The following CREB5 variants were observed in gnomAD, a reference collection of about 807,000 sequenced individuals.
CREB5 encodes the protein cyclic AMP-responsive element-binding protein 5.
A neutral mutation model predicts 57.1 loss-of-function variants in CREB5; 19 were observed. That is an observed-to-expected ratio of 0.33 (90% CI 0.23 to 0.49). The LOEUF is 0.49. Ranked by LOEUF, CREB5 falls within the 20% of genes least tolerant of loss-of-function variation. The pLI is 0.99. For synonymous variants in CREB5, 238 were observed against 238.3 expected, an observed-to-expected ratio of 1.00 and a Z score of 0.01; for missense variants, 579 against 671.6, an observed-to-expected ratio of 0.86 and a Z score of 1.52.
chr7:28,606,494 C>T (rs1797135758), intron 5 of CREB5, among the ~76,000 whole-genome samples: 1 of 152,128 alleles, frequency 6.6e-6, no homozygotes, highest in Non-Finnish European at 1.5e-5. Flanking sequence ...AACAGTCATC[C>T]ATCCCTGGGA....
chr7:28,305,733 T>A (rs1348667758), intron 1 of CREB5, among the ~76,000 whole-genome samples: 1 of 148,866 alleles, frequency 6.7e-6, no homozygotes, highest in Non-Finnish European at 1.5e-5. Flanking sequence ...TTTTTTTTTT[T>A]AAACTTCATT....
intron 7 of CREB5, among the ~76,000 whole-genome samples, chr7:28,791,944 A>G (rs753841556): frequency 1.3e-5 from 2 of 152,200 alleles, no homozygotes; most frequent in African/African-American, 2.4e-5. Flanking sequence ...ATTGTACACC[A>G]TAAAGACAAT....
At chr7:28,595,640 G>GC (rs1276595379) in intron 5 of CREB5, among the ~76,000 whole-genome samples, 2 of 152,108 alleles carry the variant, frequency 1.3e-5, no homozygotes, top group Non-Finnish European at 2.9e-5. Flanking sequence ...AAGAAAAGAG[G>GC]CCCCTTCTTT....
chr7:28,607,505 C>A (rs564549005), intron 5 of CREB5, among the ~76,000 whole-genome samples: 3 of 152,098 alleles, frequency 2.0e-5, no homozygotes, highest in Non-Finnish European at 4.4e-5. Flanking sequence ...CACTTTGCTG[C>A]CATAGGAGAA....
At chr7:28,605,892 G>C (rs1797113063) in intron 5 of CREB5, among the ~76,000 whole-genome samples, 1 of 152,164 alleles carries the variant, frequency 6.6e-6, no homozygotes, top group African/African-American at 2.4e-5. Context: ...CTGCCAAAAG[G>C]CAGGAGAGAA....
At chr7:28,681,293 G>C (rs1186946804) in intron 5 of CREB5, among the ~76,000 whole-genome samples, 1 of 152,198 alleles carries the variant, frequency 6.6e-6, no homozygotes, top group Non-Finnish European at 1.5e-5. Context: ...CATATTCAGG[G>C]AAGACCGAGC....
intron 5 of CREB5, among the ~76,000 whole-genome samples, chr7:28,623,380 G>T (rs1447762287): frequency 6.6e-6 from 1 of 152,166 alleles, no homozygotes; most frequent in South Asian, 2.1e-4. Flanking sequence ...TTTAGCCAGA[G>T]TCATCATAAA....
chr7:28,524,789 G>A (rs940772813), intron 4 of CREB5, among the ~76,000 whole-genome samples: 1 of 152,150 alleles, frequency 6.6e-6, no homozygotes, highest in East Asian at 1.9e-4. Flanking sequence ...ATCAAGTAGG[G>A]TTATTTAGGC....
At chr7:28,347,031 T>C (rs1177892318) in intron 1 of CREB5, among the ~76,000 whole-genome samples, 1 of 152,224 alleles carries the variant, frequency 6.6e-6, no homozygotes, top group African/African-American at 2.4e-5. Flanking sequence ...ACTATTTGCA[T>C]ACTTGAACCC....
intron 5 of CREB5, among the ~76,000 whole-genome samples, chr7:28,599,384 A>AT (rs1276057195): frequency 6.6e-6 from 1 of 152,168 alleles, no homozygotes; most frequent in Non-Finnish European, 1.5e-5. Flanking sequence ...ATATACTTGG[A>AT]TTTTATCCTT....
At chr7:28,613,059 A>G (rs185403784) in intron 5 of CREB5, among the ~76,000 whole-genome samples, 4 of 152,274 alleles carry the variant, frequency 2.6e-5, no homozygotes, top group Admixed American at 2.0e-4. Flanking sequence ...CCACTGTAGT[A>G]TGTCCTAATC....
At position 28,804,058 on chromosome 7, in the gene CREB5, C is replaced by A. The variant is rs1202580346; in HGVS notation, c.703-141C>A. On this transcript the variant is annotated intron_variant, in intron 7 of 10. Coordinates refer to ENST00000357727, the MANE Select transcript of CREB5 (RefSeq NM_182898.4). Reference sequence around the variant, plus strand: ...TATAAAAGCTATCTTGTACTGGTAGCAAGATAGCTACTGGTAGGAAACATT... The same window carrying A: ...TATAAAAGCTATCTTGTACTGGTAGAAAGATAGCTACTGGTAGGAAACATT... The A allele has an allele frequency of 6.6e-6, 5 of 755,450 alleles. 1 individual carries two copies. The African/African-American group carries it at 8.8e-5, about 13-fold the overall frequency. The allele number at this position is 755,450 out of a possible 1,614,324, so 46.8% of individuals were successfully genotyped here.
At chr7:28,796,922 T>C (rs2299119) in intron 7 of CREB5, among the ~76,000 whole-genome samples, 82,717 of 151,968 alleles carry the variant, frequency 0.54, 24,570 homozygotes, top group African/African-American at 0.8. Flanking sequence ...AAATGCACAG[T>C]CTCTTAAAAT....
chr7:28,617,609 T>C (rs1797638831), intron 5 of CREB5, among the ~76,000 whole-genome samples: 1 of 152,224 alleles, frequency 6.6e-6, no homozygotes, highest in Non-Finnish European at 1.5e-5. Flanking sequence ...CAATGGGGGC[T>C]TCCCTTCTTC....
chr7:28,744,332 T>C (rs1162650988), intron 7 of CREB5, among the ~76,000 whole-genome samples: 1 of 147,668 alleles, frequency 6.8e-6, no homozygotes, highest in African/African-American at 2.5e-5. Context: ...ATTTTACCTT[T>C]AGTACCTCTT....
intron 5 of CREB5, among the ~76,000 whole-genome samples, chr7:28,693,874 A>T (rs1312895734): frequency 6.6e-6 from 1 of 152,198 alleles, no homozygotes; most frequent in African/African-American, 2.4e-5. Context: ...ATGTAGAGAG[A>T]AATATTGTCA....
At chr7:28,400,131 G>A (rs1787427127) in intron 1 of CREB5, among the ~76,000 whole-genome samples, 1 of 152,118 alleles carries the variant, frequency 6.6e-6, no homozygotes, top group Non-Finnish European at 1.5e-5. Context: ...ATGTTAAGCA[G>A]GAGGGTGAAA....
chr7:28,605,989 C>T (rs571240813), intron 5 of CREB5, among the ~76,000 whole-genome samples: 1 of 152,242 alleles, frequency 6.6e-6, no homozygotes, highest in South Asian at 2.1e-4. Flanking sequence ...AACGACTGAA[C>T]ACTTGACGTG....
intron 1 of CREB5, among the ~76,000 whole-genome samples, chr7:28,394,813 A>G (rs1049355714): frequency 6.6e-6 from 1 of 152,206 alleles, no homozygotes; most frequent in Non-Finnish European, 1.5e-5. Flanking sequence ...AGAGAAGCCC[A>G]TTTAGAAATT....
Sources: allele counts gnomAD v4.1 joint callset (sites outside exome capture counted in the v4.1 genomes callset), GRCh38; gene constraint gnomAD v4.1.1; transcripts MANE v1.5; gene names NCBI Gene and HGNC (gene_info 2026-07-23, HGNC 2026-07-21).